FSD2: variants seen among roughly 807,000 people sequenced by gnomAD.
FSD2 encodes the protein fibronectin type III and SPRY domain-containing protein 2.
Under a neutral mutation model 80.4 loss-of-function variants are expected in FSD2, and 71 were observed. The ratio of observed to expected loss-of-function variants is 0.88; its 90% CI spans 0.73 to 1.08. FSD2 has a LOEUF of 1.08. FSD2 is among the 50% of genes least tolerant of loss of function. FSD2 has a pLI of 0.00. For synonymous variants in FSD2, 361 were observed against 329.5 expected, an observed-to-expected ratio of 1.10 and a Z score of -1.03; for missense variants, 923 against 913.8, an observed-to-expected ratio of 1.01 and a Z score of -0.13.
At chr15:82,765,838 T>C in intron 10 of FSD2, 60 bp downstream of exon 10, 2 of 1,541,080 alleles carry the variant, frequency 1.3e-6, no homozygotes, top group Non-Finnish European at 1.8e-6. Context: ...ATAGCAGCAC[T>C]GGGTCTGCCA....
At chr15:82,765,466 G>A (rs1302375586) in intron 10 of FSD2, among the ~76,000 whole-genome samples, 168 bp from the exon 11 acceptor site, 1 of 152,118 alleles carries the variant, frequency 6.6e-6, no homozygotes, top group South Asian at 2.1e-4. Flanking sequence ...GGGCAGTCTT[G>A]TGTGCCTAGT....
intron 1 of FSD2, among the ~76,000 whole-genome samples, chr15:82,795,755 C>T (rs1438707112): frequency 6.6e-6 from 1 of 151,800 alleles, no homozygotes; most frequent in African/African-American, 2.4e-5. Flanking sequence ...TCTCTTGAGC[C>T]CAGAAGACGG....
At chr15:82,783,754 A>G (rs980080198) in intron 3 of FSD2, among the ~76,000 whole-genome samples, 1 of 151,808 alleles carries the variant, frequency 6.6e-6, no homozygotes, top group African/African-American at 2.4e-5. Flanking sequence ...GCTCCTCTTC[A>G]CTCCCTGGTG....
rs1307420581 is a variant in FSD2 at position 82,765,310 on chromosome 15, G to T, written c.1688-12C>A. 6.2e-7 allele frequency: 1 copy of T among 1,612,922 alleles called. No homozygotes were observed. The highest frequency in any genetic ancestry group is 8.5e-7 in the Non-Finnish European group (1 of 1,179,520). ...GCGAAAGTAGCTTCCTGTGGGAGGAGGAACACACAGAAGACCCGCAGCCAA... is the reference window on the plus strand; with the variant it reads ...GCGAAAGTAGCTTCCTGTGGGAGGATGAACACACAGAAGACCCGCAGCCAA... On this transcript the variant is annotated splice_polypyrimidine_tract_variant and intron_variant, in intron 10 of 12. Coordinates refer to ENST00000334574, the MANE Select transcript of FSD2 (RefSeq NM_001007122.4).
intron 3 of FSD2, among the ~76,000 whole-genome samples, chr15:82,785,300 A>ATTGT (rs1555479478): frequency 1.4e-5 from 2 of 146,924 alleles, no homozygotes; most frequent in Admixed American, 1.4e-4. Context: ...AAGGCAATAC[A>ATTGT]TTATTTATTT....
At chr15:82,765,024 C>A in intron 11 of FSD2, 142 bp downstream of exon 11, 1 of 1,035,234 alleles carries the variant, frequency 9.7e-7, no homozygotes, top group South Asian at 1.9e-5. Context: ...GGTCCCCTCC[C>A]CATTAGGCTC....
At chr15:82,770,596 G>A (rs1037341652) in intron 7 of FSD2, among the ~76,000 whole-genome samples, 14 of 152,126 alleles carry the variant, frequency 9.2e-5, no homozygotes, top group South Asian at 6.2e-4. Flanking sequence ...ACTTGAACCC[G>A]GGAAGTGGAG....
intron 1 of FSD2, among the ~76,000 whole-genome samples, chr15:82,793,418 A>G (rs560894528): frequency 1.6e-4 from 24 of 152,322 alleles, no homozygotes; most frequent in Admixed American, 1.2e-3. Context: ...TAACTTATAC[A>G]TGTATTGTCA....
intron 6 of FSD2, among the ~76,000 whole-genome samples, chr15:82,775,814 A>G (rs1037012879): frequency 6.6e-6 from 1 of 152,154 alleles, no homozygotes; most frequent in African/African-American, 2.4e-5. Context: ...GCTGCATCCC[A>G]TAAGTTTTGG....
chr15:82,802,810 G>A (rs1450254464), intron 1 of FSD2, among the ~76,000 whole-genome samples: 2 of 152,154 alleles, frequency 1.3e-5, no homozygotes, highest in Admixed American at 6.5e-5. Flanking sequence ...CAGAGTTAGT[G>A]TGTTATGGGG....
rs192696039 is a variant in FSD2, at chr15:82,801,017, C to T, written c.-79+4949G>A. Among the ~76,000 whole-genome samples the T allele has an allele frequency of 2.2e-4, 34 of 152,326 alleles. 1 individual carries two copies. In the Middle Eastern group the frequency reaches 0.01, roughly 46 times the overall value. ...CTACACCTGCCCCAATGTAACCCTT[C>T]CCCATAGAAAGCCTTTATAAAACTA... On this transcript the variant is annotated intron_variant, in intron 1 of 12. Transcript: ENST00000334574.
In FSD2 at chr15:82,759,385, T is replaced by C. The variant is rs749592336; in HGVS notation, c.2213A>G (p.Asn738Ser). 2 of 1,613,650 alleles carry C rather than the reference T, an allele frequency of 1.2e-6. No individual in the cohort carries two copies. Among genetic ancestry groups the C allele is most frequent in the Non-Finnish European group, 1.7e-6 (2 of 1,179,750 alleles). Residue 738 changes from asparagine (N) to serine (S), a missense_variant, in exon 13 of 13, where the codon AAT becomes AGT. Coordinates refer to ENST00000334574, the MANE Select transcript of FSD2 (RefSeq NM_001007122.4). ...GACATGTTTTGGCATTGAAATGCCA[T>C]TATGTACCTTTAGACACCCAGGCTT... is the stretch of plus-strand genomic sequence containing the variant. ...LEKPGCLKVH[N>S]GISMPKHVTF... is the part of the protein sequence containing the mutation.
intron 9 of FSD2, among the ~76,000 whole-genome samples, chr15:82,766,514 G>C (rs919845749): frequency 3.9e-5 from 6 of 152,140 alleles, no homozygotes; most frequent in Middle Eastern, 3.2e-3. Flanking sequence ...GGCTGAGGCG[G>C]GTGGGTCACT....
At chr15:82,784,977 C>T (rs1458483569) in intron 3 of FSD2, among the ~76,000 whole-genome samples, 1 of 152,162 alleles carries the variant, frequency 6.6e-6, no homozygotes, top group East Asian at 1.9e-4. Flanking sequence ...AAATAGATAT[C>T]AGCTGAGGAA....
At chr15:82,764,507 T>TTTTTTTTTTTTTTTTTTG (rs2049365857) in intron 11 of FSD2, among the ~76,000 whole-genome samples, 1 of 145,700 alleles carries the variant, frequency 6.9e-6, no homozygotes, top group African/African-American at 2.6e-5. Context: ...TTTTTTTTTT[T>TTTTTTTTTTTTTTTTTTG]TTTTTGAGAA....
chr15:82,771,025 G>T (rs890386900), intron 7 of FSD2, among the ~76,000 whole-genome samples: 1 of 151,922 alleles, frequency 6.6e-6, no homozygotes, highest in Non-Finnish European at 1.5e-5. Flanking sequence ...CCCTCTCCAT[G>T]TCCTCTTTAG....
chr15:82,779,664 CAA>C (rs1165686952), intron 5 of FSD2, among the ~76,000 whole-genome samples: 32 of 97,784 alleles, frequency 3.3e-4, no homozygotes, highest in Admixed American at 3.4e-4. Context: ...GAAACTGTCT[CAA>C]AAAAAAAAAA....
At position 82,786,535 on chromosome 15, in the gene FSD2, C is replaced by T; in HGVS notation, c.711G>A (p.Leu237=). ...CCTCCACAGTGATGAAAACCTCCTC[C>T]AAATGATTTGCAAAGTTTTCCATCT... ...IIEMENFANH[L]EEVFITVEEN... The change falls in exon 3 of 13, where the codon TTG becomes TTA. Residue 237 remains leucine, a synonymous_variant. Transcript: ENST00000334574. 6.2e-7 allele frequency: 1 copy of T among 1,613,488 alleles called. No individual in the cohort carries two copies. Among genetic ancestry groups the T allele is most frequent in the Non-Finnish European group, 8.5e-7 (1 of 1,179,582 alleles).
chr15:82,765,020 C>G, intron 11 of FSD2, 146 bp downstream of exon 11: 1 of 1,001,356 alleles, frequency 1.0e-6, no homozygotes, highest in African/African-American at 1.7e-5. Flanking sequence ...TCTGGGTCCC[C>G]TCCCCATTAG....
Sources: gnomAD v4.1 joint callset for allele counts (sites outside exome capture counted in the v4.1 genomes callset) on GRCh38, gnomAD v4.1.1 for gene constraint, MANE v1.5 for transcripts, NCBI Gene and HGNC (gene_info 2026-07-23, HGNC 2026-07-21) for gene names.